The following PCDH15 variants were observed in gnomAD, a reference collection of about 807,000 sequenced individuals.
The protein encoded by PCDH15 is protocadherin related 15, also known as protocadherin-15.
Under a neutral mutation model 178.5 loss-of-function variants are expected in PCDH15, and 129 were observed. The observed-to-expected ratio is 0.72, with a 90% CI of 0.63 to 0.84. The LOEUF is 0.84. PCDH15 is among the 40% of genes least tolerant of loss of function. PCDH15 has a pLI of 0.00. For missense variants in PCDH15, 2,230 were observed against 2,099.9 expected, an observed-to-expected ratio of 1.06 and a Z score of -1.21; for synonymous variants, 800 against 732.0, an observed-to-expected ratio of 1.09 and a Z score of -1.50.
chr10:54,500,228 A>G (rs1350420551), intron 3 of PCDH15, among the ~76,000 whole-genome samples: 1 of 152,108 alleles, frequency 6.6e-6, no homozygotes, highest in Non-Finnish European at 1.5e-5. Flanking sequence ...TTTCACTTAT[A>G]AGTGGGAGCT....
At chr10:55,513,408 G>A (rs915733398) in intron 2 of PCDH15, among the ~76,000 whole-genome samples, 3 of 151,740 alleles carry the variant, frequency 2.0e-5, no homozygotes, top group African/African-American at 7.3e-5. Context: ...TGCCTTTTTT[G>A]CTTATCTACC....
intron 23 of PCDH15, among the ~76,000 whole-genome samples, chr10:53,951,321 A>T (rs1358207973): frequency 1.0e-5 from 1 of 99,918 alleles, no homozygotes; most frequent in East Asian, 3.9e-4. Flanking sequence ...TTTCCCTCCC[A>T]CCCCCACCAA....
chr10:54,929,239 G>T (rs1339624512), intron 2 of PCDH15, among the ~76,000 whole-genome samples: 1 of 152,078 alleles, frequency 6.6e-6, no homozygotes, highest in Non-Finnish European at 1.5e-5. Flanking sequence ...AACTCTGGGG[G>T]ACTTGTATTG....
chr10:55,448,823 T>C (rs767539193), intron 2 of PCDH15, among the ~76,000 whole-genome samples: 3 of 152,054 alleles, frequency 2.0e-5, no homozygotes, highest in Admixed American at 6.6e-5. Flanking sequence ...TTGAAAACAA[T>C]AAATTCAGTT....
chr10:54,725,533 A>AGTATAATTATATAT (rs1942352027), intron 1 of PCDH15, among the ~76,000 whole-genome samples: 4 of 128,022 alleles, frequency 3.1e-5, no homozygotes, highest in Admixed American at 7.8e-5. Flanking sequence ...TGTTTATATA[A>AGTATAATTATATAT]ATATAATTAT....
At chr10:54,368,279 TAC>T (rs1947110021) in intron 5 of PCDH15, among the ~76,000 whole-genome samples, 1 of 152,006 alleles carries the variant, frequency 6.6e-6, no homozygotes, top group African/African-American at 2.4e-5. Flanking sequence ...ATTCACAAAT[TAC>T]AGTTATTCTC....
rs1207129493 is a variant in PCDH15 at position 53,861,068 on chromosome 10, A to G, written c.3718-3805T>C. Among the ~76,000 whole-genome samples the G allele has an allele frequency of 2.6e-5, 4 of 152,178 alleles. No homozygotes were observed. In the East Asian group the frequency reaches 7.7e-4, roughly 29 times the overall value. ...TTTTGACTATGCAAATGAAGAAATA[A>G]GATATTACAGTTTACATTTGGTCTT... On this transcript the variant is annotated intron_variant, in intron 27 of 37. Transcript: ENST00000644397.
intron 9 of PCDH15, among the ~76,000 whole-genome samples, chr10:54,215,809 A>T (rs2051964499): frequency 6.6e-6 from 1 of 151,966 alleles, no homozygotes; most frequent in Admixed American, 6.6e-5. Context: ...TGGGAGGCCG[A>T]GACGGGCGGA....
intron 2 of PCDH15, among the ~76,000 whole-genome samples, chr10:55,000,544 C>T (rs4007190): frequency 0.73 from 111,366 of 151,980 alleles, 40,935 homozygotes; most frequent in East Asian, 0.87. Flanking sequence ...AGGCGACATA[C>T]GTCCTCCTCA....
chr10:55,335,940 A>G (rs7894714), intron 2 of PCDH15, among the ~76,000 whole-genome samples: 80,840 of 151,590 alleles, frequency 0.53, 21,906 homozygotes, highest in African/African-American at 0.59. Context: ...TTGGGGTGGT[A>G]CCCATTTTTT....
chr10:55,449,784 C>T lies in PCDH15; in HGVS notation c.-156+177841G>A, dbSNP rs79985379. ...TTCTCATTTTAAGAAAAGGTGAATACGAGAACCCTTGGGTCATAGATTCTG... is the reference window on the plus strand; with the variant it reads ...TTCTCATTTTAAGAAAAGGTGAATATGAGAACCCTTGGGTCATAGATTCTG... On this transcript the variant is annotated intron_variant, in intron 2 of 5. Transcript: ENST00000613346. 4.7e-3 allele frequency among the ~76,000 whole-genome samples: 716 copies of T among 152,152 alleles called. 7 individuals are homozygous for T. The highest frequency in any genetic ancestry group is 0.016 in the African/African-American group (682 of 41,522).
intron 2 of PCDH15, among the ~76,000 whole-genome samples, chr10:55,538,708 A>C (rs1393112966): frequency 0.016 from 59 of 3,620 alleles, 14 homozygotes; most frequent in Admixed American, 0.02. Context: ...TCATTAAAAC[A>C]TCCCTCCCTT....
At position 54,824,746 on chromosome 10, in the gene PCDH15, G is replaced by A. The variant is rs1251949044; in HGVS notation, c.-29+72704C>T. ...CTTTATTTAACCCCAAAGCTCAGAG[G>A]AAATGCATAGGGAGGAAATAGACAG... On this transcript the variant is annotated intron_variant, in intron 3 of 5. Transcript: ENST00000458638. Among the ~76,000 whole-genome samples the A allele has an allele frequency of 2.6e-5, 4 of 151,994 alleles. No individual in the cohort carries two copies. In the East Asian group the frequency reaches 7.7e-4, roughly 29 times the overall value.
At chr10:54,485,051 G>A (rs1589655217) in intron 3 of PCDH15, among the ~76,000 whole-genome samples, 1 of 151,802 alleles carries the variant, frequency 6.6e-6, no homozygotes. Flanking sequence ...CAATATATAA[G>A]CAACTACATA....
intron 32 of PCDH15, chr10:53,822,482 G>C (rs749880602): frequency 3.1e-6 from 5 of 1,609,502 alleles, no homozygotes; most frequent in Non-Finnish European, 4.2e-6. Flanking sequence ...GAGGAGGAGG[G>C]GGAAGGGGAC....
intron 7 of PCDH15, among the ~76,000 whole-genome samples, chr10:54,322,413 A>G: frequency 6.6e-6 from 1 of 152,074 alleles, no homozygotes; most frequent in African/African-American, 2.4e-5. Flanking sequence ...ATATTACATT[A>G]AGTTAGGAAA....
At chr10:55,100,506 G>C (rs1564798123) in intron 2 of PCDH15, among the ~76,000 whole-genome samples, 2 of 152,076 alleles carry the variant, frequency 1.3e-5, no homozygotes, top group African/African-American at 4.8e-5. Context: ...TGTGCAGACT[G>C]TACAAAACAC....
At chr10:54,893,101 G>A (rs1215167226) in intron 3 of PCDH15, among the ~76,000 whole-genome samples, 1 of 152,004 alleles carries the variant, frequency 6.6e-6, no homozygotes, top group East Asian at 1.9e-4. Flanking sequence ...AGACACTGGG[G>A]TATATTAGGT....
rs116628720 is a variant in PCDH15, at chr10:54,398,661, G to A, written c.158-19719C>T. ...ATAGTATCTTATTCTTGTGCAACCT[G>A]GAAAAACAAAAAAAACTGATATTAG... On this transcript the variant is annotated intron_variant, in intron 3 of 37. Coordinates refer to ENST00000644397, the MANE Select transcript of PCDH15 (RefSeq NM_001384140.1). Among the ~76,000 whole-genome samples, 743 of 151,636 alleles carry A rather than the reference G, an allele frequency of 4.9e-3. 8 individuals carry two copies. The highest frequency in any genetic ancestry group is 0.017 in the African/African-American group (691 of 41,432).
Sources: gnomAD v4.1 joint callset for allele counts (sites outside exome capture counted in the v4.1 genomes callset) on GRCh38, gnomAD v4.1.1 for gene constraint, MANE v1.5 for transcripts, NCBI Gene and HGNC (gene_info 2026-07-23, HGNC 2026-07-21) for gene names.